Variants in CSMD1 observed in about 807,000 individuals in gnomAD.
The protein encoded by CSMD1 is CUB and sushi domain-containing protein 1.
In CSMD1, 213 loss-of-function variants were observed where a neutral mutation model predicts 417.5. The ratio of observed to expected loss-of-function variants is 0.51; its 90% confidence interval spans 0.46 to 0.57. The LOEUF (loss-of-function observed/expected upper bound fraction) is 0.57, where lower values mean the gene tolerates loss of function less well. Ranked by LOEUF, CSMD1 falls within the 20% of genes least tolerant of loss-of-function variation. The pLI is 0.00. For missense variants in CSMD1, 6,923 were observed against 4,529.7 expected, an observed-to-expected ratio of 1.53 and a Z score of -15.17; for synonymous variants, 2,862 against 1,736.8, an observed-to-expected ratio of 1.65 and a Z score of -16.11.
chr8:3,300,261 T>A (rs1369667279), intron 25 of CSMD1, among the ~76,000 whole-genome samples: 2 of 152,188 alleles, frequency 1.3e-5, no homozygotes, highest in Non-Finnish European at 2.9e-5. Context: ...ATATCACATT[T>A]TATGTTTGTA....
intron 3 of CSMD1, among the ~76,000 whole-genome samples, chr8:4,215,024 G>A (rs1292540262): frequency 6.6e-6 from 1 of 152,152 alleles, no homozygotes; most frequent in Non-Finnish European, 1.5e-5. Flanking sequence ...TTCTGCCTCA[G>A]TTTTAATGAT....
chr8:4,543,886 A>C (rs1399228171), intron 2 of CSMD1, among the ~76,000 whole-genome samples: 1 of 152,058 alleles, frequency 6.6e-6, no homozygotes, highest in Non-Finnish European at 1.5e-5. Context: ...GGGACATAAG[A>C]TGTGGAGCGC....
At chr8:3,384,741 A>AATATATATTTATATAAT (rs1563333108) in intron 18 of CSMD1, among the ~76,000 whole-genome samples, 3 of 125,500 alleles carry the variant, frequency 2.4e-5, no homozygotes, top group African/African-American at 9.2e-5. Flanking sequence ...ATATTATATA[A>AATATATATTTATATAAT]ATATATATTT....
At chr8:3,961,129 C>A (rs888722750) in intron 5 of CSMD1, among the ~76,000 whole-genome samples, 1 of 152,170 alleles carries the variant, frequency 6.6e-6, no homozygotes, top group Non-Finnish European at 1.5e-5. Flanking sequence ...AAAATTGCAT[C>A]TCTTCTTGCC....
chr8:3,674,171 G>A (rs1445955167), intron 7 of CSMD1, among the ~76,000 whole-genome samples: 3 of 152,098 alleles, frequency 2.0e-5, no homozygotes, highest in African/African-American at 7.2e-5. Context: ...TCATAATGAA[G>A]ACTTCGAGAA....
chr8:4,412,542 C>T (rs79071321), intron 3 of CSMD1, among the ~76,000 whole-genome samples: 1 of 152,124 alleles, frequency 6.6e-6, no homozygotes, highest in African/African-American at 2.4e-5. Flanking sequence ...ATTACCCAGT[C>T]TCCGGTATTT....
At chr8:3,960,742 A>C (rs1396041766) in intron 5 of CSMD1, among the ~76,000 whole-genome samples, 39 of 152,052 alleles carry the variant, frequency 2.6e-4, no homozygotes, top group Non-Finnish European at 1.5e-5. Flanking sequence ...CATTTTTATA[A>C]TTAATTGATT....
At chr8:4,316,278 G>T (rs759427259) in intron 3 of CSMD1, among the ~76,000 whole-genome samples, 32 of 152,206 alleles carry the variant, frequency 2.1e-4, no homozygotes, top group South Asian at 4.1e-4. Flanking sequence ...AATTTGTTGT[G>T]ATCTGTAAGA....
At chr8:3,298,513 G>A (rs1484448420) in intron 25 of CSMD1, among the ~76,000 whole-genome samples, 1 of 152,182 alleles carries the variant, frequency 6.6e-6, no homozygotes, top group East Asian at 1.9e-4. Context: ...GAGTGCAATG[G>A]AATGATCGTG....
intron 2 of CSMD1, among the ~76,000 whole-genome samples, chr8:4,526,405 T>C (rs1009794820): frequency 6.6e-6 from 1 of 152,260 alleles, no homozygotes; most frequent in African/African-American, 2.4e-5. Flanking sequence ...ATCTTACTTA[T>C]GTATGCCCAA....
intron 4 of CSMD1, among the ~76,000 whole-genome samples, chr8:4,002,360 T>A (rs917425792): frequency 6.6e-6 from 1 of 152,200 alleles, no homozygotes; most frequent in African/African-American, 2.4e-5. Flanking sequence ...GATTTTACTT[T>A]CTAAACAGCA....
At chr8:4,794,901 A>T (rs1433648806) in intron 1 of CSMD1, among the ~76,000 whole-genome samples, 1 of 152,190 alleles carries the variant, frequency 6.6e-6, no homozygotes, top group Non-Finnish European at 1.5e-5. Context: ...GCAAGAAATT[A>T]AATCAGGAGT....
In CSMD1 at chr8:2,974,590, G is replaced by A. The variant is rs368720706; in HGVS notation, c.8601C>T (p.Asn2867=). The A allele has an allele frequency of 5.0e-5, 80 of 1,610,882 alleles. No homozygotes were observed. Among genetic ancestry groups the A allele is most frequent in the Middle Eastern group, 1.6e-4 (1 of 6,078 alleles). The part of the protein sequence containing the change: ...ISCGHPGVPA[N]AVLTGELFTY... ...TAAACAGCTCTCCAGTGAGGACGGC[G>A]TTGGCAGGGACCCCTGGGTGTCCAC... is the stretch of plus-strand genomic sequence containing the variant. Residue 2867 remains asparagine (N), a synonymous_variant, in exon 56 of 70, where the codon AAC becomes AAT. Transcript: ENST00000635120.
intron 1 of CSMD1, among the ~76,000 whole-genome samples, chr8:4,922,069 A>G (rs1375966746): frequency 6.6e-6 from 1 of 152,190 alleles, no homozygotes; most frequent in African/African-American, 2.4e-5. Flanking sequence ...ACTTGTACCC[A>G]GAGCACCTGA....
intron 12 of CSMD1, among the ~76,000 whole-genome samples, chr8:3,437,501 C>A (rs1020482196): frequency 1.3e-5 from 2 of 152,154 alleles, no homozygotes; most frequent in African/African-American, 4.8e-5. Context: ...TCAACACTGG[C>A]AGCTTCTCCA....
At chr8:3,716,871 T>C (rs1240698999) in intron 6 of CSMD1, among the ~76,000 whole-genome samples, 7 of 152,186 alleles carry the variant, frequency 4.6e-5, no homozygotes, top group Admixed American at 4.6e-4. Context: ...TCAAGAGTAA[T>C]AGTTTTAAAA....
intron 2 of CSMD1, among the ~76,000 whole-genome samples, chr8:4,452,763 A>G (rs573888071): frequency 6.6e-6 from 1 of 152,158 alleles, no homozygotes; most frequent in Admixed American, 6.5e-5. Context: ...CATATCATCC[A>G]ATAACACAAA....
chr8:3,423,708 T>C (rs540649750), intron 12 of CSMD1, among the ~76,000 whole-genome samples: 100 of 152,294 alleles, frequency 6.6e-4, no homozygotes, highest in African/African-American at 2.3e-3. Flanking sequence ...CCATCCCAGG[T>C]CTTTGTGTGG....
At chr8:3,613,844 A>G (rs1802010176) in intron 8 of CSMD1, among the ~76,000 whole-genome samples, 1 of 152,076 alleles carries the variant, frequency 6.6e-6, no homozygotes, top group Non-Finnish European at 1.5e-5. Flanking sequence ...AACACTTTCC[A>G]CCTAAGCTCA....
Sources: allele counts gnomAD v4.1 joint callset (sites outside exome capture counted in the v4.1 genomes callset), GRCh38; gene constraint gnomAD v4.1.1; transcripts MANE v1.5; gene names NCBI Gene and HGNC (gene_info 2026-07-23, HGNC 2026-07-21).